ERBB4: variants seen among roughly 807,000 people sequenced by gnomAD.
ERBB4 encodes receptor tyrosine-protein kinase erbB-4.
In ERBB4, 42 loss-of-function variants were observed where a neutral mutation model predicts 158.0. That is an observed-to-expected ratio of 0.27 (90% CI 0.21 to 0.34). The LOEUF (loss-of-function observed/expected upper bound fraction) is 0.34, where lower values mean the gene tolerates loss of function less well. Ranked by LOEUF, ERBB4 falls within the 10% of genes least tolerant of loss-of-function variation. ERBB4 has a pLI of 1.00. For missense variants in ERBB4, 1,333 were observed against 1,624.1 expected (o/e 0.82, Z 3.08); for synonymous variants, 583 against 558.7 (o/e 1.04, Z -0.61).
chr2:211,551,794 A>G (rs1291527233), intron 20 of ERBB4, among the ~76,000 whole-genome samples: 1 of 152,204 alleles, frequency 6.6e-6, no homozygotes, highest in African/African-American at 2.4e-5. Flanking sequence ...TTCATATTTG[A>G]ATTTAATTTT....
intron 25 of ERBB4, among the ~76,000 whole-genome samples, chr2:211,418,618 G>T (rs926516495): frequency 6.6e-6 from 1 of 151,904 alleles, no homozygotes; most frequent in South Asian, 2.1e-4. Context: ...ACAAAAAGCT[G>T]AAATGTAAGA....
intron 19 of ERBB4, among the ~76,000 whole-genome samples, chr2:211,579,271 T>C (rs1192763370): frequency 6.6e-6 from 1 of 152,102 alleles, no homozygotes; most frequent in Non-Finnish European, 1.5e-5. Context: ...CCCGTCAGAA[T>C]AGCGATTCTT....
chr2:212,228,440 T>C (rs1322892835), intron 1 of ERBB4, among the ~76,000 whole-genome samples: 1 of 152,174 alleles, frequency 6.6e-6, no homozygotes, highest in Non-Finnish European at 1.5e-5. Context: ...GGAGATAATT[T>C]ATAATTAAAA....
At chr2:212,205,064 C>G (rs561483034) in intron 1 of ERBB4, among the ~76,000 whole-genome samples, 1 of 151,842 alleles carries the variant, frequency 6.6e-6, no homozygotes, top group Non-Finnish European at 1.5e-5. Context: ...GTGATCAACC[C>G]GCCTCGGCCT....
intron 20 of ERBB4, among the ~76,000 whole-genome samples, chr2:211,470,775 A>T (rs1387052569): frequency 6.6e-6 from 1 of 152,190 alleles, no homozygotes; most frequent in Non-Finnish European, 1.5e-5. Context: ...TACACATCTC[A>T]TTTTAAGCAA....
intron 1 of ERBB4, among the ~76,000 whole-genome samples, chr2:212,346,707 A>C (rs1312305364): frequency 6.6e-6 from 1 of 152,100 alleles, no homozygotes. Flanking sequence ...GCACTATTGC[A>C]ATGTTTCATA....
chr2:211,556,161 T>C (rs991972873), intron 20 of ERBB4, among the ~76,000 whole-genome samples: 1 of 151,930 alleles, frequency 6.6e-6, no homozygotes, highest in Admixed American at 6.6e-5. Flanking sequence ...AAATAGACTA[T>C]AAACCAAAAA....
Position 211,377,297 on chromosome 2 carries a change from C to T in ERBB4, c.*6318G>A, listed in dbSNP as rs1191001502. The T allele has an allele frequency of 4.3e-6, 1 of 233,158 alleles. No individual in the cohort carries two copies. Among genetic ancestry groups the T allele is most frequent in the East Asian group, 6.0e-5 (1 of 16,540 alleles). The allele number at this position is 233,158 out of a possible 1,614,324, so 14.4% of individuals were successfully genotyped here. A position where few individuals can be genotyped will look rare whatever the true frequency, so the allele number is the denominator to read the frequency against. On this transcript the variant is annotated 3_prime_UTR_variant, in exon 28 of 28. Transcript: ENST00000342788. The stretch of plus-strand genomic sequence containing the variant: ...AAGGCTATAGGCCTGGGGGAAATAT[C>T]TACGCATTGGGGATAAAAATAGCAG...
intron 1 of ERBB4, among the ~76,000 whole-genome samples, chr2:212,322,208 A>G (rs1420501564): frequency 1.3e-5 from 2 of 150,480 alleles, no homozygotes; most frequent in Admixed American, 1.3e-4. Context: ...CTGGCTTAGG[A>G]GAAGACAGAA....
chr2:212,393,920 C>A (rs1454663953), intron 1 of ERBB4, among the ~76,000 whole-genome samples: 2 of 152,160 alleles, frequency 1.3e-5, no homozygotes, highest in East Asian at 3.9e-4. Context: ...TCCCATTTCC[C>A]CTCTGCCAGT....
intron 13 of ERBB4, among the ~76,000 whole-genome samples, chr2:211,678,818 T>A (rs1233450382): frequency 1.3e-5 from 2 of 151,734 alleles, no homozygotes; most frequent in African/African-American, 2.4e-5. Context: ...ATACAAAAAA[T>A]TAGCCGGGCA....
At chr2:211,663,404 A>T (rs2071504990) in intron 15 of ERBB4, among the ~76,000 whole-genome samples, 1 of 152,186 alleles carries the variant, frequency 6.6e-6, no homozygotes, top group Non-Finnish European at 1.5e-5. Context: ...TTCTGTCTCA[A>T]CTTAATTCTG....
chr2:211,876,647 A>G (rs182702566), intron 3 of ERBB4, among the ~76,000 whole-genome samples: 107 of 152,292 alleles, frequency 7.0e-4, no homozygotes, highest in African/African-American at 2.5e-3. Flanking sequence ...GTGGATAGAA[A>G]TTAAATACTA....
intron 17 of ERBB4, among the ~76,000 whole-genome samples, chr2:211,626,471 T>C (rs1028492107): frequency 6.6e-6 from 1 of 152,208 alleles, no homozygotes; most frequent in Non-Finnish European, 1.5e-5. Flanking sequence ...AAGATTTAAA[T>C]TGACTATCTT....
intron 1 of ERBB4, among the ~76,000 whole-genome samples, chr2:212,404,975 C>T (rs2091305944): frequency 6.6e-6 from 1 of 152,064 alleles, no homozygotes; most frequent in Non-Finnish European, 1.5e-5. Flanking sequence ...CCACAAAATA[C>T]ATGATCTCAT....
chr2:211,721,221 C>T (rs1268208359), intron 7 of ERBB4, among the ~76,000 whole-genome samples: 1 of 152,072 alleles, frequency 6.6e-6, no homozygotes, highest in African/African-American at 2.4e-5. Flanking sequence ...GACAACATGT[C>T]AGCACTCTAA....
At chr2:212,184,235 C>A (rs570243207) in intron 1 of ERBB4, among the ~76,000 whole-genome samples, 1 of 152,142 alleles carries the variant, frequency 6.6e-6, no homozygotes, top group Non-Finnish European at 1.5e-5. Flanking sequence ...TCGATCCTTC[C>A]CTGAAATGAC....
chr2:212,106,042 A>G (rs2079217101), intron 2 of ERBB4, among the ~76,000 whole-genome samples: 1 of 152,180 alleles, frequency 6.6e-6, no homozygotes, highest in Non-Finnish European at 1.5e-5. Context: ...TCTCAGGTAT[A>G]TCTTTATCAG....
At chr2:211,432,877 A>G (rs1310907373) in intron 20 of ERBB4, among the ~76,000 whole-genome samples, 1 of 152,234 alleles carries the variant, frequency 6.6e-6, no homozygotes, top group Admixed American at 6.5e-5. Context: ...GTGGGCGGAT[A>G]GGGAATAAAA....
Sources: allele counts gnomAD v4.1 joint callset (sites outside exome capture counted in the v4.1 genomes callset), GRCh38; gene constraint gnomAD v4.1.1; transcripts MANE v1.5; gene names NCBI Gene and HGNC (gene_info 2026-07-23, HGNC 2026-07-21).